Variants in NRG3 observed in about 807,000 individuals in gnomAD.
NRG3 encodes pro-neuregulin-3, membrane-bound isoform.
A neutral mutation model predicts 66.9 loss-of-function variants in NRG3; 31 were observed. The observed-to-expected ratio is 0.46, with a 90% CI of 0.35 to 0.63. The LOEUF is 0.63. Among genes scored for constraint, NRG3 ranks in the 20% least tolerant of loss-of-function variants. The pLI, the probability that NRG3 is intolerant of heterozygous loss-of-function variation, is 0.00. For synonymous variants in NRG3, 393 were observed against 359.4 expected, an observed-to-expected ratio of 1.09 and a Z score of -1.06; for missense variants, 910 against 878.9, an observed-to-expected ratio of 1.04 and a Z score of -0.45.
chr10:82,829,186 A>G (rs1422134522), intron 3 of NRG3, among the ~76,000 whole-genome samples: 3 of 151,976 alleles, frequency 2.0e-5, no homozygotes, highest in East Asian at 3.9e-4. Context: ...CACAGTTTTC[A>G]CCCAACTCTA....
At position 82,147,585 on chromosome 10, in the gene NRG3, T is replaced by C. The variant is rs1590295266; in HGVS notation, c.824-211154T>C. ...TCTACTTCCTTCTTATTAAAGCTTA[T>C]GAGCCATGGAGGACCCTGCCCAGCC... is the stretch of plus-strand genomic sequence containing the variant. On this transcript the variant is annotated intron_variant, in intron 1 of 8. Transcript: ENST00000372141. Among the ~76,000 whole-genome samples the C allele has an allele frequency of 4.6e-5, 7 of 152,364 alleles. 1 individual carries two copies. The South Asian group carries it at 1.4e-3, about 32-fold the overall frequency.
At chr10:82,499,583 TTCAAATGGTC>T (rs1420585476) in intron 2 of NRG3, among the ~76,000 whole-genome samples, 1 of 152,150 alleles carries the variant, frequency 6.6e-6, no homozygotes. Flanking sequence ...TAAATGTTTT[TTCAAATGGTC>T]TCAAATGGTC....
chr10:82,075,941 A>T (rs1216089764), intron 1 of NRG3, among the ~76,000 whole-genome samples: 1 of 127,540 alleles, frequency 7.8e-6, no homozygotes, highest in Non-Finnish European at 1.7e-5. Context: ...GGAGGAAAAA[A>T]AGTAAACATA....
chr10:82,335,789 T>C (rs1372035929), intron 1 of NRG3, among the ~76,000 whole-genome samples: 1 of 152,232 alleles, frequency 6.6e-6, no homozygotes, highest in Admixed American at 6.5e-5. Context: ...TTAGACATCT[T>C]CTACATATAT....
chr10:82,727,830 G>T (rs569709351), intron 2 of NRG3, among the ~76,000 whole-genome samples: 1 of 152,282 alleles, frequency 6.6e-6, no homozygotes, highest in Non-Finnish European at 1.5e-5. Flanking sequence ...TGGGAGGGAT[G>T]CTGTACTCTG....
At chr10:82,708,255 T>C (rs930250788) in intron 2 of NRG3, among the ~76,000 whole-genome samples, 3 of 152,194 alleles carry the variant, frequency 2.0e-5, no homozygotes, top group African/African-American at 7.2e-5. Context: ...CCTTTGTCCC[T>C]CTGACTATGG....
At chr10:82,824,880 C>A (rs1474585970) in intron 3 of NRG3, among the ~76,000 whole-genome samples, 1 of 151,944 alleles carries the variant, frequency 6.6e-6, no homozygotes. Context: ...CCATGCCCAG[C>A]TAACTTATTT....
At chr10:82,448,366 A>C (rs1399988595) in intron 2 of NRG3, among the ~76,000 whole-genome samples, 1 of 152,230 alleles carries the variant, frequency 6.6e-6, no homozygotes, top group Non-Finnish European at 1.5e-5. Context: ...TGCTTAAGAT[A>C]TGGATTTAAA....
chr10:82,067,157 C>G (rs74235098), intron 1 of NRG3, among the ~76,000 whole-genome samples: 4,920 of 152,132 alleles, frequency 0.032, 162 homozygotes, highest in East Asian at 0.15. Flanking sequence ...ATTTCATTGT[C>G]AAACCCAATT....
intron 1 of NRG3, among the ~76,000 whole-genome samples, chr10:82,178,374 C>T (rs1478476259): frequency 6.6e-6 from 1 of 152,102 alleles, no homozygotes; most frequent in African/African-American, 2.4e-5. Context: ...TGAAAAGCAA[C>T]TGCTCGGTTA....
intron 2 of NRG3, among the ~76,000 whole-genome samples, chr10:82,665,611 A>G: frequency 6.6e-6 from 1 of 151,842 alleles, no homozygotes. Context: ...TAGTCCTTTG[A>G]TCCCTCTTTT....
intron 3 of NRG3, among the ~76,000 whole-genome samples, chr10:82,764,780 T>A (rs1047147511): frequency 1.3e-5 from 2 of 152,164 alleles, no homozygotes; most frequent in East Asian, 3.8e-4. Context: ...TATAAGATAG[T>A]ATAAGATGCT....
chr10:82,129,132 C>G (rs2068649483), intron 1 of NRG3, among the ~76,000 whole-genome samples: 1 of 151,962 alleles, frequency 6.6e-6, no homozygotes, highest in Non-Finnish European at 1.5e-5. Flanking sequence ...AGGCTGGTCT[C>G]AAACTCCTGA....
intron 1 of NRG3, among the ~76,000 whole-genome samples, chr10:81,936,948 A>G (rs1847935342): frequency 6.6e-6 from 1 of 152,198 alleles, no homozygotes; most frequent in South Asian, 2.1e-4. Flanking sequence ...CAACTTTTCC[A>G]TCTTTTGCAG....
At chr10:82,280,511 G>A (rs1348024816) in intron 1 of NRG3, among the ~76,000 whole-genome samples, 3 of 152,166 alleles carry the variant, frequency 2.0e-5, no homozygotes, top group African/African-American at 7.2e-5. Flanking sequence ...TATAGCTCGT[G>A]CAAAGCTTAA....
At chr10:82,917,054 A>C (rs1487353663) in intron 4 of NRG3, among the ~76,000 whole-genome samples, 1 of 152,210 alleles carries the variant, frequency 6.6e-6, no homozygotes, top group Non-Finnish European at 1.5e-5. Flanking sequence ...CCATTTCTAC[A>C]CAGTGGTGGT....
chr10:81,903,996 ATTT>A (rs555278247), intron 1 of NRG3, among the ~76,000 whole-genome samples: 3,857 of 91,922 alleles, frequency 0.042, 175 homozygotes, highest in African/African-American at 0.17. Context: ...ATATATATAT[ATTT>A]TTTTTTTTTG....
chr10:81,897,658 A>G (rs1468028371), intron 1 of NRG3, among the ~76,000 whole-genome samples: 2 of 152,174 alleles, frequency 1.3e-5, no homozygotes, highest in Non-Finnish European at 2.9e-5. Flanking sequence ...GGCATTCTCC[A>G]TGCTTGTTAG....
intron 1 of NRG3, among the ~76,000 whole-genome samples, chr10:82,001,821 G>A (rs751164490): frequency 8.5e-5 from 13 of 152,246 alleles, no homozygotes; most frequent in Non-Finnish European, 1.9e-4. Flanking sequence ...TAGGATCTGC[G>A]TTCATGTAAG....
Sources: gnomAD v4.1 joint callset for allele counts (sites outside exome capture counted in the v4.1 genomes callset) on GRCh38, gnomAD v4.1.1 for gene constraint, MANE v1.5 for transcripts, NCBI Gene and HGNC (gene_info 2026-07-23, HGNC 2026-07-21) for gene names.